DRC12: variants seen among roughly 807,000 people sequenced by gnomAD.
DRC12 encodes dynein regulatory complex subunit 12 homolog.
the DRC12 span, chr11:119,194,969 C>T: frequency 6.4e-7 from 1 of 1,551,528 alleles, no homozygotes; most frequent in Non-Finnish European, 8.7e-7. Context: ...CCAGCCTGTG[C>T]CTGGACTCGG....
At chr11:119,190,969 C>T in the DRC12 span, 30 of 1,117,440 alleles carry the variant, frequency 2.7e-5, 1 homozygote, top group Admixed American at 5.3e-5. This position sits in a 1 kb window ranked among gnomAD's most constrained non-coding sequence, Gnocchi z 4.2. Flanking sequence ...CCAAATTTCC[C>T]GCAGTCCCTG....
At chr11:119,190,262 T>C in the DRC12 span, 1 of 1,612,498 alleles carries the variant, frequency 6.2e-7, no homozygotes, top group South Asian at 1.1e-5. The surrounding 1 kb of genome is among the most constrained non-coding windows in gnomAD (Gnocchi z 4.2). Flanking sequence ...TATTGAGTTC[T>C]ACATCAAGAC....
At chr11:119,194,813 G>T in the DRC12 span, 1 of 702,374 alleles carries the variant, frequency 1.4e-6, no homozygotes, top group Non-Finnish European at 2.4e-6. Context: ...GGATGGTTAG[G>T]GTCAACTTAA....
At chr11:119,194,189 T>C in the DRC12 span, among the ~76,000 whole-genome samples, 28 of 152,038 alleles carry the variant, frequency 1.8e-4, no homozygotes, top group Non-Finnish European at 3.5e-4. Flanking sequence ...GTTTGAGACC[T>C]GCCTGGGCAA....
chr11:119,195,379 C>A, the DRC12 span: 2 of 1,516,698 alleles, frequency 1.3e-6, no homozygotes, highest in Non-Finnish European at 1.8e-6. Context: ...GTCTTCATGG[C>A]AGAACATGGA....
the DRC12 span, chr11:119,190,679 G>C: frequency 1.2e-5 from 19 of 1,605,046 alleles, no homozygotes; most frequent in Non-Finnish European, 1.6e-5. The surrounding 1 kb of genome is among the most constrained non-coding windows in gnomAD (Gnocchi z 4.2). Flanking sequence ...CTGGGTACTG[G>C]GATGGCTGGG....
the DRC12 span, chr11:119,195,415 A>G: frequency 3.2e-6 from 5 of 1,550,808 alleles, no homozygotes; most frequent in Non-Finnish European, 4.4e-6. Context: ...TCCACCCACC[A>G]TGACTCACCC....
chr11:119,195,208 G>T, the DRC12 span: 1 of 629,160 alleles, frequency 1.6e-6, no homozygotes, highest in Non-Finnish European at 2.8e-6. Context: ...AATATATTAG[G>T]AAGGCACAGA....
chr11:119,195,779 C>T, the DRC12 span: 1 of 335,898 alleles, frequency 3.0e-6, no homozygotes, highest in Non-Finnish European at 5.5e-6. Context: ...TTCCCATCAT[C>T]CTCAACCCTC....
At chr11:119,193,551 C>A in the DRC12 span, 1 of 1,422,238 alleles carries the variant, frequency 7.0e-7, no homozygotes, top group Non-Finnish European at 9.2e-7. Context: ...GCACATGGCA[C>A]CAGGCATCCT....
the DRC12 span, chr11:119,195,439 T>C: frequency 6.4e-7 from 1 of 1,551,448 alleles, no homozygotes; most frequent in East Asian, 2.4e-5. Context: ...TTCTTTTTCT[T>C]CTTCTGTGCC....
chr11:119,190,282 C>T, the DRC12 span: 1 of 1,613,980 alleles, frequency 6.2e-7, no homozygotes, highest in Admixed American at 1.7e-5. The surrounding 1 kb of genome is among the most constrained non-coding windows in gnomAD (Gnocchi z 4.2). Flanking sequence ...CACTTTATTG[C>T]TGGGGCCTCA....
At chr11:119,193,989 G>C in the DRC12 span, 4 of 1,153,398 alleles carry the variant, frequency 3.5e-6, no homozygotes, top group African/African-American at 6.2e-5. Flanking sequence ...TGGTGGTGGG[G>C]TGTCCAGCCT....
the DRC12 span, chr11:119,193,217 G>A: frequency 6.2e-7 from 1 of 1,614,100 alleles, no homozygotes; most frequent in Non-Finnish European, 8.5e-7. Context: ...ATATCCTCCT[G>A]CAGGGCATGG....
chr11:119,195,429 T>C, the DRC12 span: 1 of 1,551,222 alleles, frequency 6.4e-7, no homozygotes, highest in African/African-American at 1.4e-5. Flanking sequence ...CTCACCCCAG[T>C]TCTTTTTCTT....
the DRC12 span, chr11:119,193,296 G>C: frequency 1.4e-6 from 2 of 1,477,454 alleles, no homozygotes; most frequent in Non-Finnish European, 1.9e-6. Context: ...TGGAGGGATG[G>C]AGAAAGGAAA....
chr11:119,190,572 C>T, the DRC12 span: 2 of 1,553,560 alleles, frequency 1.3e-6, no homozygotes, highest in Non-Finnish European at 1.8e-6. The surrounding 1 kb of genome is among the most constrained non-coding windows in gnomAD (Gnocchi z 4.2). Context: ...TCTGTCTGCC[C>T]TCAGGATAGA....
the DRC12 span, chr11:119,195,553 G>C: frequency 1.5e-6 from 2 of 1,317,100 alleles, no homozygotes; most frequent in Non-Finnish European, 2.1e-6. Flanking sequence ...ATGCTTTCCT[G>C]AGCTTTAGAC....
chr11:119,191,174 A>T, the DRC12 span, among the ~76,000 whole-genome samples: 1 of 150,304 alleles, frequency 6.7e-6, no homozygotes, highest in Non-Finnish European at 1.5e-5. Flanking sequence ...ATCTCAGCTC[A>T]CTGCAACTGC....
Sources: gnomAD v4.1 joint callset for allele counts (sites outside exome capture counted in the v4.1 genomes callset) on GRCh38, gnomAD v4.1.1 for gene constraint, Gnocchi (gnomAD v3.1) non-coding constraint, MANE v1.5 for transcripts, NCBI Gene and HGNC (gene_info 2026-07-23, HGNC 2026-07-21) for gene names.